B3GALT1: variants seen among roughly 807,000 people sequenced by gnomAD.
B3GALT1 encodes the protein beta-1,3-galactosyltransferase 1.
B3GALT1 carries 10 observed loss-of-function variants against 23.2 expected under a neutral mutation model. That is an observed-to-expected ratio of 0.43 (90% CI 0.27 to 0.73). The LOEUF is 0.73. Among genes scored for constraint, B3GALT1 ranks in the 30% least tolerant of loss-of-function variants. The pLI is 0.21. For missense variants in B3GALT1, 299 were observed against 405.4 expected (o/e 0.74, Z 2.25); for synonymous variants, 156 against 141.5 (o/e 1.10, Z -0.73).
intron 1 of B3GALT1, among the ~76,000 whole-genome samples, chr2:167,303,377 C>T (rs764846587): frequency 2.0e-5 from 3 of 152,084 alleles, no homozygotes; most frequent in Admixed American, 6.6e-5. Flanking sequence ...CTACCAGTTT[C>T]GTGGTGTTTG....
intron 2 of B3GALT1, among the ~76,000 whole-genome samples, chr2:167,563,431 C>A (rs1472829196): frequency 1.5e-5 from 2 of 130,768 alleles, no homozygotes; most frequent in Admixed American, 1.4e-4. Flanking sequence ...ACCTCCCTCC[C>A]GGACAGGGGC....
chr2:167,419,312 G>C (rs891606462), intron 1 of B3GALT1, among the ~76,000 whole-genome samples: 1 of 152,186 alleles, frequency 6.6e-6, no homozygotes, highest in African/African-American at 2.4e-5. Flanking sequence ...TGAGGTATTA[G>C]AGTTTAATCA....
At chr2:167,668,626 A>G (rs1686259146) in intron 3 of B3GALT1, among the ~76,000 whole-genome samples, 1 of 152,284 alleles carries the variant, frequency 6.6e-6, no homozygotes, top group East Asian at 1.9e-4. Context: ...GGACCCTCCA[A>G]GCCATGTGGG....
intron 1 of B3GALT1, among the ~76,000 whole-genome samples, chr2:167,440,042 A>C (rs1039397702): frequency 3.3e-5 from 5 of 152,026 alleles, no homozygotes; most frequent in African/African-American, 1.2e-4. Context: ...TTTTGAAAAA[A>C]TCGGTAAGAA....
chr2:167,594,674 A>G (rs1684745384), intron 2 of B3GALT1, among the ~76,000 whole-genome samples: 4 of 152,194 alleles, frequency 2.6e-5, no homozygotes, highest in African/African-American at 9.7e-5. Flanking sequence ...GCACTTTGGG[A>G]GGACGAGGCG....
At chr2:167,550,418 C>A (rs1683725460) in intron 2 of B3GALT1, among the ~76,000 whole-genome samples, 1 of 152,192 alleles carries the variant, frequency 6.6e-6, no homozygotes, top group African/African-American at 2.4e-5. Context: ...AAACAAACTC[C>A]ACATGTTCTC....
At chr2:167,343,545 A>G (rs1016914673) in intron 1 of B3GALT1, among the ~76,000 whole-genome samples, 6 of 152,128 alleles carry the variant, frequency 3.9e-5, no homozygotes, top group Admixed American at 3.9e-4. Flanking sequence ...CTGATTAGCC[A>G]TTATTATGAT....
intron 1 of B3GALT1, among the ~76,000 whole-genome samples, chr2:167,468,102 T>C (rs1435136902): frequency 2.0e-5 from 3 of 152,146 alleles, no homozygotes; most frequent in Non-Finnish European, 4.4e-5. Flanking sequence ...AAAGAGCATA[T>C]TTTTCTGGAG....
intron 1 of B3GALT1, among the ~76,000 whole-genome samples, chr2:167,313,733 G>C (rs1696666953): frequency 6.6e-6 from 1 of 152,088 alleles, no homozygotes; most frequent in Non-Finnish European, 1.5e-5. Context: ...AATGAGTTAG[G>C]TTCTCCATCA....
intron 1 of B3GALT1, among the ~76,000 whole-genome samples, chr2:167,370,104 CAG>C (rs1697658890): frequency 6.6e-6 from 1 of 151,892 alleles, no homozygotes; most frequent in African/African-American, 2.4e-5. Flanking sequence ...TTTTTTAAGT[CAG>C]AGTTTCTATT....
chr2:167,498,266 A>AT (rs947659810), intron 2 of B3GALT1, among the ~76,000 whole-genome samples: 2 of 152,056 alleles, frequency 1.3e-5, no homozygotes, highest in African/African-American at 4.8e-5. Flanking sequence ...GGACACGTTG[A>AT]TTTTTTTCAT....
chr2:167,538,373 G>T (rs1160809988), intron 2 of B3GALT1, among the ~76,000 whole-genome samples: 1 of 152,116 alleles, frequency 6.6e-6, no homozygotes, highest in African/African-American at 2.4e-5. Flanking sequence ...ACGTATATGT[G>T]CATGTATCTA....
Position 167,824,265 on chromosome 2 carries a change from A to C in B3GALT1, c.-230+5472A>C, listed in dbSNP as rs555911498. 4.6e-5 allele frequency among the ~76,000 whole-genome samples: 7 copies of C among 152,382 alleles called. No homozygotes were observed. The East Asian group carries it at 1.3e-3, about 29-fold the overall frequency. ...AACCAATCATGGTATGATTTCCAACACATAATGGCACAGAATGATAGGATC... is the reference window on the plus strand; with the variant it reads ...AACCAATCATGGTATGATTTCCAACCCATAATGGCACAGAATGATAGGATC... On this transcript the variant is annotated intron_variant, in intron 4 of 4. Transcript: ENST00000392690.
intron 2 of B3GALT1, among the ~76,000 whole-genome samples, chr2:167,611,484 A>G (rs1293997264): frequency 1.3e-4 from 20 of 152,010 alleles, no homozygotes; most frequent in African/African-American, 2.4e-5. Flanking sequence ...AAAGTGTTGA[A>G]AAGGCACAAA....
chr2:167,498,249 T>G (rs1274594326), intron 2 of B3GALT1, among the ~76,000 whole-genome samples: 1 of 152,136 alleles, frequency 6.6e-6, no homozygotes, highest in Non-Finnish European at 1.5e-5. Flanking sequence ...TATCAAGGCT[T>G]TTTATAGGAC....
At chr2:167,509,443 T>G (rs961627666) in intron 2 of B3GALT1, among the ~76,000 whole-genome samples, 1 of 152,152 alleles carries the variant, frequency 6.6e-6, no homozygotes, top group African/African-American at 2.4e-5. Flanking sequence ...TATGTGTGTG[T>G]GTGTGTAATA....
At chr2:167,645,460 G>T (rs1685732309) in intron 2 of B3GALT1, among the ~76,000 whole-genome samples, 1 of 151,646 alleles carries the variant, frequency 6.6e-6, no homozygotes, top group Non-Finnish European at 1.5e-5. Flanking sequence ...CAAAAGCACT[G>T]GTTGACTGAA....
At chr2:167,775,883 C>G (rs981183368) in intron 3 of B3GALT1, among the ~76,000 whole-genome samples, 1 of 152,072 alleles carries the variant, frequency 6.6e-6, no homozygotes, top group African/African-American at 2.4e-5. Context: ...AGCTCTACTC[C>G]GGGAACTGTC....
chr2:167,473,221 G>A lies in B3GALT1; in HGVS notation c.-510-16956G>A, dbSNP rs984634253. Among the ~76,000 whole-genome samples the A allele has an allele frequency of 4.6e-5, 7 of 152,140 alleles. No homozygotes were observed. The East Asian group carries it at 5.8e-4, about 13-fold the overall frequency. The stretch of plus-strand genomic sequence containing the variant: ...TGAGCATGTCAAATTTCTAGTTATC[G>A]TGTAAACATGTCCTGAGAGAATAGA... On this transcript the variant is annotated intron_variant, in intron 1 of 4. Transcript: ENST00000392690.
Sources: gnomAD v4.1 joint callset for allele counts (sites outside exome capture counted in the v4.1 genomes callset) on GRCh38, gnomAD v4.1.1 for gene constraint, MANE v1.5 for transcripts, NCBI Gene and HGNC (gene_info 2026-07-23, HGNC 2026-07-21) for gene names.